The following PARP8 variants were observed in gnomAD, a reference collection of about 807,000 sequenced individuals.
PARP8 encodes protein mono-ADP-ribosyltransferase PARP8.
In PARP8, 51 loss-of-function variants were observed where a neutral mutation model predicts 124.1. The observed-to-expected ratio is 0.41, with a 90% CI of 0.33 to 0.52. The LOEUF (loss-of-function observed/expected upper bound fraction) is 0.52, where lower values mean the gene tolerates loss of function less well. PARP8 is among the 20% of genes least tolerant of loss of function. PARP8 has a pLI of 0.21. For missense variants in PARP8, 860 were observed against 1,018.9 expected, an observed-to-expected ratio of 0.84 and a Z score of 2.12; for synonymous variants, 391 against 361.5, an observed-to-expected ratio of 1.08 and a Z score of -0.93.
chr5:50,677,733 C>T (rs1348089036), intron 2 of PARP8, among the ~76,000 whole-genome samples: 1 of 152,098 alleles, frequency 6.6e-6, no homozygotes, highest in Admixed American at 6.5e-5. Context: ...TGTACAGAAT[C>T]CTTTCCAGCT....
intron 18 of PARP8, 51 bp downstream of exon 18, chr5:50,825,026 C>T (rs780402597): frequency 7.0e-7 from 1 of 1,437,288 alleles, no homozygotes; most frequent in South Asian, 1.2e-5. Flanking sequence ...TTTTCTACTG[C>T]TTGATTTAAG....
At chr5:50,750,227 G>T in intron 3 of PARP8, 39 bp downstream of exon 3, 1 of 1,499,072 alleles carries the variant, frequency 6.7e-7, no homozygotes, top group Non-Finnish European at 9.2e-7. Flanking sequence ...TTCGTATCAG[G>T]GTTCCTTTGA....
At chr5:50,686,262 A>G (rs1050720081) in intron 2 of PARP8, among the ~76,000 whole-genome samples, 2 of 152,232 alleles carry the variant, frequency 1.3e-5, no homozygotes, top group Non-Finnish European at 2.9e-5. Flanking sequence ...TGCAAGTCCA[A>G]AATTCAGCAG....
chr5:50,814,158 T>C (rs987387878), intron 14 of PARP8, among the ~76,000 whole-genome samples: 2 of 152,136 alleles, frequency 1.3e-5, no homozygotes, highest in African/African-American at 4.8e-5. Flanking sequence ...TTTGACACTA[T>C]CGTAAATATG....
intron 2 of PARP8, among the ~76,000 whole-genome samples, chr5:50,733,243 G>A (rs1474256787): frequency 4.0e-5 from 6 of 151,404 alleles, no homozygotes; most frequent in African/African-American, 9.7e-5. Context: ...GCAGTGAGCC[G>A]AGATCGCGCC....
intron 15 of PARP8, among the ~76,000 whole-genome samples, chr5:50,816,814 A>C (rs1745155472): frequency 6.6e-6 from 1 of 152,090 alleles, no homozygotes; most frequent in Non-Finnish European, 1.5e-5. Context: ...ATATCTGACT[A>C]TGGAGAGCCT....
intron 2 of PARP8, among the ~76,000 whole-genome samples, chr5:50,680,504 G>A (rs1290275772): frequency 1.3e-5 from 2 of 152,068 alleles, no homozygotes; most frequent in Non-Finnish European, 2.9e-5. Context: ...TTTTTCTAGA[G>A]TAACTGTTAA....
rs79613469 is a variant in PARP8 at position 50,801,714 on chromosome 5, G to C, written c.1575+4481G>C. 5.5e-3 allele frequency among the ~76,000 whole-genome samples: 840 copies of C among 152,148 alleles called. 7 individuals are homozygous for C. Among genetic ancestry groups the C allele is most frequent in the African/African-American group, 0.019 (786 of 41,512 alleles). ...TCTTTGTTACCATTATGAAAGTGGGGGTATTGAAGGCTCTGACTATTATTG... is the reference window on the plus strand; with the variant it reads ...TCTTTGTTACCATTATGAAAGTGGGCGTATTGAAGGCTCTGACTATTATTG... On this transcript the variant is annotated intron_variant, in intron 14 of 25. Transcript: ENST00000281631.
At chr5:50,714,597 A>T (rs1755111609) in intron 2 of PARP8, among the ~76,000 whole-genome samples, 1 of 152,094 alleles carries the variant, frequency 6.6e-6, no homozygotes, top group Admixed American at 6.6e-5. Flanking sequence ...AATAGGCATT[A>T]TTTCCATGTC....
At chr5:50,806,843 A>G (rs1461302829) in intron 14 of PARP8, among the ~76,000 whole-genome samples, 1 of 152,054 alleles carries the variant, frequency 6.6e-6, no homozygotes, top group Non-Finnish European at 1.5e-5. Flanking sequence ...ATGTATAAAA[A>G]TAATATATAA....
intron 14 of PARP8, among the ~76,000 whole-genome samples, chr5:50,806,536 A>G (rs1018931348): frequency 3.3e-5 from 5 of 152,062 alleles, no homozygotes; most frequent in Non-Finnish European, 7.4e-5. Context: ...CAAGAGAGAA[A>G]ACATTTTCTA....
chr5:50,760,257 A>G (rs1760413133), intron 4 of PARP8, 35 bp from the exon 5 acceptor site: 6 of 1,439,846 alleles, frequency 4.2e-6, no homozygotes, highest in African/African-American at 1.5e-5. Context: ...CATACTAAGT[A>G]TCATAATATT....
chr5:50,713,216 G>T (rs1173028428), intron 2 of PARP8, among the ~76,000 whole-genome samples: 1 of 151,904 alleles, frequency 6.6e-6, no homozygotes, highest in African/African-American at 2.4e-5. Flanking sequence ...TTCATATTGA[G>T]TGCTCAATAA....
intron 7 of PARP8, among the ~76,000 whole-genome samples, chr5:50,775,210 G>A (rs1739850110): frequency 1.3e-5 from 2 of 152,196 alleles, no homozygotes; most frequent in South Asian, 2.1e-4. Flanking sequence ...GCAGGTGGCT[G>A]GGAGGTGGAG....
chr5:50,729,900 T>C (rs911176234), intron 2 of PARP8, among the ~76,000 whole-genome samples: 3 of 152,190 alleles, frequency 2.0e-5, no homozygotes, highest in Non-Finnish European at 2.9e-5. Context: ...TTTTATTAAA[T>C]GTCGGTTAGC....
intron 9 of PARP8, among the ~76,000 whole-genome samples, chr5:50,787,174 T>A (rs1447728320): frequency 6.6e-6 from 1 of 152,170 alleles, no homozygotes; most frequent in Non-Finnish European, 1.5e-5. Flanking sequence ...GAAGTGTGAA[T>A]CCAAAATGTT....
At chr5:50,681,675 A>G (rs1200317874) in intron 2 of PARP8, among the ~76,000 whole-genome samples, 1 of 152,190 alleles carries the variant, frequency 6.6e-6, no homozygotes, top group Non-Finnish European at 1.5e-5. Flanking sequence ...GAATCAGAAC[A>G]GGGTTTCTTC....
chr5:50,693,653 A>G (rs1345053801), intron 2 of PARP8, among the ~76,000 whole-genome samples: 1 of 151,532 alleles, frequency 6.6e-6, no homozygotes, highest in African/African-American at 2.4e-5. Context: ...TAATTATATA[A>G]TTAAGTCACA....
intron 23 of PARP8, chr5:50,833,562 C>T (rs1169032864): frequency 2.5e-5 from 8 of 316,554 alleles, no homozygotes; most frequent in South Asian, 2.8e-5. Context: ...CTGTAACCTC[C>T]GTGACCTAGT....
Sources: allele counts gnomAD v4.1 joint callset (sites outside exome capture counted in the v4.1 genomes callset), GRCh38; gene constraint gnomAD v4.1.1; transcripts MANE v1.5; gene names NCBI Gene and HGNC (gene_info 2026-07-23, HGNC 2026-07-21).